CDK13: variants seen among roughly 807,000 people sequenced by gnomAD.
The protein encoded by CDK13 is cyclin-dependent kinase 13.
CDK13 carries 40 observed loss-of-function variants against 137.6 expected under a neutral mutation model. The ratio of observed to expected loss-of-function variants is 0.29; its 90% confidence interval spans 0.23 to 0.38. The LOEUF (loss-of-function observed/expected upper bound fraction) is 0.38, where lower values mean the gene tolerates loss of function less well. CDK13 is among the 10% of genes least tolerant of loss of function. CDK13 has a pLI of 1.00. For missense variants in CDK13, 1,704 were observed against 1,951.8 expected, an observed-to-expected ratio of 0.87 and a Z score of 2.39; for synonymous variants, 869 against 760.1, an observed-to-expected ratio of 1.14 and a Z score of -2.36.
intron 5 of CDK13, among the ~76,000 whole-genome samples, chr7:40,025,932 A>G (rs1222138992): frequency 6.6e-6 from 1 of 152,106 alleles, no homozygotes; most frequent in Admixed American, 6.6e-5. Context: ...TTTGTTGCCA[A>G]AGTAAGCCAA....
chr7:40,044,475 C>T (rs1285033909), intron 5 of CDK13, among the ~76,000 whole-genome samples: 4 of 151,538 alleles, frequency 2.6e-5, no homozygotes, highest in East Asian at 3.9e-4. Flanking sequence ...CACACCACCA[C>T]GCCAGGCTAA....
chr7:40,092,941 T>A lies in CDK13; in HGVS notation c.3392T>A (p.Leu1131His). The change falls in exon 13 of 14, where the codon CTT (leucine) becomes CAT (histidine). Residue 1131 changes from leucine (L) to histidine (H), a missense_variant. Physicochemically the swap from Leu to His is moderately conservative, Grantham distance 99 (BLOSUM62 -3). Transcript: ENST00000181839. Reference sequence around the variant, plus strand: ...CAACAGCAGCTAAATAAAATAAACCTTCCTGCTGGAATTTTGGCAACAGGT... The same window carrying A: ...CAACAGCAGCTAAATAAAATAAACCATCCTGCTGGAATTTTGGCAACAGGT... Reference protein sequence around the residue: ...ETQQQLNKINLPAGILATGEK... With the variant: ...ETQQQLNKINHPAGILATGEK... 1.9e-6 allele frequency: 3 copies of A among 1,614,168 alleles called. No individual in the cohort carries two copies. Among genetic ancestry groups the A allele is most frequent in the Non-Finnish European group, 2.5e-6 (3 of 1,180,030 alleles).
Position 40,077,996 on chromosome 7 carries a change from G to A in CDK13, c.2781-9G>A, listed in dbSNP as rs770981385. 1.4e-6 allele frequency: 2 copies of A among 1,409,336 alleles called. No individual in the cohort carries two copies. The highest frequency in any genetic ancestry group is 2.5e-5 in the East Asian group (1 of 39,636). The allele number at this position is 1,409,336 out of a possible 1,614,324, so 87.3% of individuals were successfully genotyped here. On this transcript the variant is annotated splice_polypyrimidine_tract_variant and intron_variant, in intron 9 of 13. Transcript: ENST00000181839. The stretch of plus-strand genomic sequence containing the variant: ...GATAGTGATGTACTTCCTTTTGTGT[G>A]TTGCTTAGCCGAATATGTGGGAGTC...
Position 40,094,469 on chromosome 7 carries a change from C to A in CDK13, c.4028C>A (p.Ser1343Tyr). The A allele has an allele frequency of 6.2e-7, 1 of 1,613,808 alleles. No homozygotes were observed. The highest frequency in any genetic ancestry group is 8.5e-7 in the Non-Finnish European group (1 of 1,180,012). The change falls in exon 14 of 14, where the codon TCT becomes TAT. Residue 1343 changes from serine (S) to tyrosine (Y), a missense_variant. This residue lies in a region of CDK13 where 475 missense variants were observed against 579.3 expected (regional missense o/e 0.82). Coordinates refer to ENST00000181839, the MANE Select transcript of CDK13 (RefSeq NM_003718.5). ...SDYKDNFGSS[S>Y]FSSAPYVSND... is the part of the protein sequence containing the mutation. ...TACAAGGACAACTTTGGATCCTCTTCTTTCTCTTCTGCTCCTTATGTTAGC... is the reference window on the plus strand; with the variant it reads ...TACAAGGACAACTTTGGATCCTCTTATTTCTCTTCTGCTCCTTATGTTAGC...
intron 1 of CDK13, among the ~76,000 whole-genome samples, chr7:39,967,215 C>T (rs925183477): frequency 6.6e-6 from 1 of 152,104 alleles, no homozygotes; most frequent in African/African-American, 2.4e-5. Context: ...ATCGCTTGAG[C>T]TCAGGAGTTT....
chr7:40,086,367 G>GTAT (rs898067828), intron 11 of CDK13, among the ~76,000 whole-genome samples: 1 of 152,134 alleles, frequency 6.6e-6, no homozygotes, highest in African/African-American at 2.4e-5. Flanking sequence ...CCAGGTTGAG[G>GTAT]ATTATAGGTA....
Position 40,033,316 on chromosome 7 carries a change from A to G in CDK13, c.2354-12520A>G, listed in dbSNP as rs186557893. The stretch of plus-strand genomic sequence containing the variant: ...ATTTCTCTGCTTTTGCATTTTGCCC[A>G]CCTTTTTTCCATTAGAGCTCTAGGA... On this transcript the variant is annotated intron_variant, in intron 5 of 13. Transcript: ENST00000181839. Among the ~76,000 whole-genome samples, 65 of 152,196 alleles carry G rather than the reference A, an allele frequency of 4.3e-4. No individual in the cohort carries two copies. In the East Asian group the frequency reaches 5.4e-3, roughly 13 times the overall value.
At chr7:39,981,649 G>A (rs1456116860) in intron 1 of CDK13, among the ~76,000 whole-genome samples, 1 of 152,006 alleles carries the variant, frequency 6.6e-6, no homozygotes, top group African/African-American at 2.4e-5. Flanking sequence ...CTGAGAGAAT[G>A]GAAACTTACT....
intron 1 of CDK13, among the ~76,000 whole-genome samples, chr7:39,961,646 T>TC (rs950363678): frequency 6.6e-6 from 1 of 152,018 alleles, no homozygotes; most frequent in Non-Finnish European, 1.5e-5. Context: ...TTTTTTTTTT[T>TC]TAATTATACT....
chr7:39,951,130 C>A lies in CDK13; in HGVS notation c.489C>A (p.Ser163Arg), dbSNP rs1297132193. Residue 163 changes from serine (S) to arginine (R), a missense_variant, in exon 1 of 14, where the codon AGC becomes AGA. Ser to Arg is a moderately radical substitution (Grantham distance 110). Transcript: ENST00000181839. ...SEQGLLLGGA[S>R]AATAATAAGG... ...AGGGGCTGCTGCTGGGGGGGGCCAG[C>A]GCGGCAACGGCGGCGACGGCTGCCG... 16 of 1,242,666 alleles carry A rather than the reference C, an allele frequency of 1.3e-5. No homozygotes were observed. The highest frequency in any genetic ancestry group is 1.6e-5 in the Non-Finnish European group (16 of 994,642). 77.0% of individuals were successfully genotyped at this position (1,242,666 alleles called of 1,614,324 possible). A position where few individuals can be genotyped will look rare whatever the true frequency, so the allele number is the denominator to read the frequency against.
chr7:39,966,107 C>A (rs1683438411), intron 1 of CDK13, among the ~76,000 whole-genome samples: 1 of 152,150 alleles, frequency 6.6e-6, no homozygotes, highest in South Asian at 2.1e-4. Context: ...TGGAGTAGCT[C>A]TTCTCGAGGA....
intron 1 of CDK13, among the ~76,000 whole-genome samples, chr7:39,962,423 A>G (rs1362360290): frequency 6.6e-6 from 1 of 152,234 alleles, no homozygotes; most frequent in Non-Finnish European, 1.5e-5. Context: ...TTTTGGCTGC[A>G]TAAATGTCTT....
chr7:39,997,187 A>G (rs1784582329), intron 2 of CDK13, among the ~76,000 whole-genome samples: 1 of 152,150 alleles, frequency 6.6e-6, no homozygotes, highest in African/African-American at 2.4e-5. Context: ...TACTGTTAAT[A>G]TCTTACATCA....
intron 1 of CDK13, among the ~76,000 whole-genome samples, chr7:39,953,624 T>C (rs1787310508): frequency 6.6e-6 from 1 of 152,310 alleles, no homozygotes; most frequent in Admixed American, 6.5e-5. Flanking sequence ...TATACTGTTT[T>C]AGGTATTGGG....
chr7:40,065,917 G>A (rs190227239), intron 9 of CDK13, among the ~76,000 whole-genome samples: 45 of 152,226 alleles, frequency 3.0e-4, no homozygotes, highest in Admixed American at 2.4e-3. Context: ...GACTGAATGC[G>A]GTGGCTCATG....
chr7:40,064,812 G>A (rs1786242367), intron 9 of CDK13, among the ~76,000 whole-genome samples: 2 of 145,558 alleles, frequency 1.4e-5, no homozygotes, highest in Non-Finnish European at 1.5e-5. Context: ...TGTTTTTTGA[G>A]ACAGTATCTC....
intron 1 of CDK13, chr7:39,952,732 C>T (rs538988098): frequency 6.6e-6 from 1 of 152,228 alleles, no homozygotes; most frequent in East Asian, 1.9e-4. Flanking sequence ...CACAATATAA[C>T]TAGACCTTTA....
chr7:40,007,628 A>G (rs527315628), intron 5 of CDK13, among the ~76,000 whole-genome samples: 22 of 152,192 alleles, frequency 1.4e-4, no homozygotes, highest in South Asian at 8.3e-4. Flanking sequence ...GGGTTTCACC[A>G]TGTTGGCCAG....
intron 5 of CDK13, among the ~76,000 whole-genome samples, chr7:40,023,422 G>T (rs1785171286): frequency 6.6e-6 from 1 of 151,926 alleles, no homozygotes; most frequent in South Asian, 2.1e-4. Flanking sequence ...GATTTTCTGA[G>T]ACTTTGATCG....
Sources: gnomAD v4.1 joint callset for allele counts (sites outside exome capture counted in the v4.1 genomes callset) on GRCh38, gnomAD v4.1.1 for gene constraint, gnomAD v4.1.1 regional missense constraint, MANE v1.5 for transcripts, NCBI Gene and HGNC (gene_info 2026-07-23, HGNC 2026-07-21) for gene names.